Variants in NDUFA10 observed in about 807,000 individuals in gnomAD.
NDUFA10 encodes the protein NADH dehydrogenase [ubiquinone] 1 alpha subcomplex subunit 10, mitochondrial.
In NDUFA10, 40 loss-of-function variants were observed where a neutral mutation model predicts 47.8. The ratio of observed to expected loss-of-function variants is 0.84; its 90% CI spans 0.65 to 1.09. The LOEUF is 1.09. Among genes scored for constraint, NDUFA10 ranks in the 50% least tolerant of loss-of-function variants. NDUFA10 has a pLI of 0.00. For missense variants in NDUFA10, 413 were observed against 451.1 expected, an observed-to-expected ratio of 0.92 and a Z score of 0.76; for synonymous variants, 183 against 172.2, an observed-to-expected ratio of 1.06 and a Z score of -0.49.
At chr2:239,905,829 T>TGGGAGGGGAG (rs546833519) in intron 4 of NDUFA10, among the ~76,000 whole-genome samples, 6 of 33,548 alleles carry the variant, frequency 1.8e-4, no homozygotes, top group Admixed American at 1.2e-3. Flanking sequence ...GGGAGCAGAC[T>TGGGAGGGGAG]GGGAGGGGAG....
chr2:239,905,615 G>A (rs938400688), intron 4 of NDUFA10, among the ~76,000 whole-genome samples: 4 of 149,966 alleles, frequency 2.7e-5, no homozygotes, highest in Non-Finnish European at 4.4e-5. Flanking sequence ...GAGGTCAGTC[G>A]GATTTCCTTG....
intron 9 of NDUFA10, among the ~76,000 whole-genome samples, chr2:239,963,658 G>A (rs1559324257): frequency 6.6e-6 from 1 of 152,202 alleles, no homozygotes; most frequent in Non-Finnish European, 1.5e-5. Flanking sequence ...TACATGGCGG[G>A]TTGCCCCATA....
intron 4 of NDUFA10, among the ~76,000 whole-genome samples, chr2:239,935,898 TTGAC>T (rs1440458502): frequency 2.0e-5 from 3 of 152,242 alleles, no homozygotes; most frequent in East Asian, 1.9e-4. Context: ...ATACCCGGTC[TTGAC>T]CGGGTATGTC....
intron 9 of NDUFA10, among the ~76,000 whole-genome samples, chr2:239,966,391 C>A (rs1695058713): frequency 6.6e-6 from 1 of 152,124 alleles, no homozygotes; most frequent in East Asian, 1.9e-4. Context: ...CTAGCAGATA[C>A]AAAATGACAC....
intron 5 of NDUFA10, chr2:240,012,860 A>G (rs1485188255): frequency 6.6e-6 from 1 of 152,232 alleles, no homozygotes; most frequent in Non-Finnish European, 1.5e-5. Flanking sequence ...GGCAGAGACC[A>G]TCTTTGTTCA....
At chr2:239,990,906 G>GAA (rs529029858) in intron 8 of NDUFA10, among the ~76,000 whole-genome samples, 3 of 147,860 alleles carry the variant, frequency 2.0e-5, no homozygotes, top group Admixed American at 6.7e-5. Flanking sequence ...TCAGCTTTTG[G>GAA]AAAAAAAAAC....
intron 9 of NDUFA10, among the ~76,000 whole-genome samples, chr2:239,967,193 A>G (rs1156793221): frequency 6.6e-6 from 1 of 152,244 alleles, no homozygotes; most frequent in Non-Finnish European, 1.5e-5. Flanking sequence ...AATAACGCCA[A>G]GATGCTGCTC....
intron 9 of NDUFA10, among the ~76,000 whole-genome samples, chr2:239,974,094 T>A (rs1158493588): frequency 1.3e-5 from 2 of 152,074 alleles, no homozygotes; most frequent in Non-Finnish European, 2.9e-5. Flanking sequence ...GCCTGGCTAA[T>A]TCTTGTGTTT....
At chr2:240,007,250 T>C in intron 7 of NDUFA10, 66 bp downstream of exon 7, 1 of 1,232,802 alleles carries the variant, frequency 8.1e-7, no homozygotes, top group Non-Finnish European at 1.2e-6. Context: ...GACGATCTGA[T>C]TTGCAAGAAC....
rs1246899118 is a variant in NDUFA10 at position 239,959,742 on chromosome 2, A to G, written c.*1376T>C. 8.3e-6 allele frequency: 6 copies of G among 724,616 alleles called. No individual in the cohort carries two copies. Among genetic ancestry groups the G allele is most frequent in the Non-Finnish European group, 8.4e-6 (5 of 593,070 alleles). The allele number at this position is 724,616 out of a possible 1,614,324, so 44.9% of individuals were successfully genotyped here. On this transcript the variant is annotated 3_prime_UTR_variant, in exon 10 of 10. Coordinates refer to ENST00000252711, the MANE Select transcript of NDUFA10 (RefSeq NM_004544.4). ...AAGGACAGACGGAAGGAAGGAAGAG[A>G]AGGAGGGAAGGAAAGAGGCAGGGAG...
At chr2:239,979,027 G>A (rs1222752751) in intron 9 of NDUFA10, among the ~76,000 whole-genome samples, 1 of 152,154 alleles carries the variant, frequency 6.6e-6, no homozygotes, top group African/African-American at 2.4e-5. Flanking sequence ...ACAGATTTCA[G>A]AAATTAGCTC....
intron 3 of NDUFA10, among the ~76,000 whole-genome samples, chr2:240,019,393 C>T (rs1697513441): frequency 6.6e-6 from 1 of 152,160 alleles, no homozygotes; most frequent in South Asian, 2.1e-4. Flanking sequence ...GAGCAAGCTG[C>T]ACTTTTTTTT....
chr2:239,931,325 G>A (rs529633004), intron 4 of NDUFA10, among the ~76,000 whole-genome samples: 70 of 152,314 alleles, frequency 4.6e-4, no homozygotes, highest in Middle Eastern at 6.8e-3. Context: ...GCCCCTGCCC[G>A]TCCTCACACA....
At chr2:239,983,764 T>C (rs1422594320) in intron 9 of NDUFA10, 7 of 1,538,202 alleles carry the variant, frequency 4.6e-6, no homozygotes, top group Non-Finnish European at 6.2e-6. Flanking sequence ...GTCTACAAAA[T>C]ACCTCACCAG....
chr2:240,025,155 T>C (rs1240243929), intron 1 of NDUFA10, 72 bp downstream of exon 1: 4 of 1,162,110 alleles, frequency 3.4e-6, no homozygotes, highest in Non-Finnish European at 4.6e-6. Context: ...GGGGGAGATG[T>C]GGAACTGCTC....
rs986378768 is a variant in NDUFA10 at position 240,011,535 on chromosome 2, A to G, written c.749+82T>C. ...ATATCCACTGCAGTAAATAAGACAG[A>G]AAACTCCCTGGGCTGTTGGGGCCTA... On this transcript the variant is annotated intron_variant, in intron 6 of 9. Coordinates refer to ENST00000252711, the MANE Select transcript of NDUFA10 (RefSeq NM_004544.4). The G allele has an allele frequency of 6.3e-6, 7 of 1,102,408 alleles. 1 individual carries two copies. Among genetic ancestry groups the G allele is most frequent in the Admixed American group, 5.1e-5 (3 of 58,602 alleles). The allele number at this position is 1,102,408 out of a possible 1,614,324, so 68.3% of individuals were successfully genotyped here.
chr2:239,985,007 G>T (rs913252180), intron 9 of NDUFA10, among the ~76,000 whole-genome samples: 2 of 152,190 alleles, frequency 1.3e-5, no homozygotes, highest in Non-Finnish European at 2.9e-5. Flanking sequence ...CTTCCTGAGC[G>T]CTCTCAGGGG....
intron 8 of NDUFA10, 90 bp downstream of exon 8, chr2:240,005,120 T>C: frequency 8.2e-7 from 1 of 1,212,750 alleles, no homozygotes; most frequent in Non-Finnish European, 1.2e-6. Flanking sequence ...AACACCTAAC[T>C]TGAAACATAA....
At chr2:239,948,646 C>T (rs983396333) in intron 4 of NDUFA10, among the ~76,000 whole-genome samples, 4 of 152,234 alleles carry the variant, frequency 2.6e-5, no homozygotes, top group Non-Finnish European at 4.4e-5. Flanking sequence ...GAGCCTCCAG[C>T]GTTCCAAATA....
Sources: allele counts gnomAD v4.1 joint callset (sites outside exome capture counted in the v4.1 genomes callset), GRCh38; gene constraint gnomAD v4.1.1; transcripts MANE v1.5; gene names NCBI Gene and HGNC (gene_info 2026-07-23, HGNC 2026-07-21).